Variants in TGFBR3 observed in about 807,000 individuals in gnomAD.
TGFBR3 encodes the protein transforming growth factor beta receptor 3, also known as transforming growth factor beta receptor type 3.
Under a neutral mutation model 87.9 loss-of-function variants are expected in TGFBR3, and 46 were observed. The observed-to-expected ratio is 0.52, with a 90% CI of 0.41 to 0.67. The LOEUF (loss-of-function observed/expected upper bound fraction) is 0.67. TGFBR3 is among the 30% of genes least tolerant of loss of function. The pLI is 0.00. For synonymous variants in TGFBR3, 381 were observed against 391.6 expected (o/e 0.97, Z 0.32); for missense variants, 866 against 1,041.9 (o/e 0.83, Z 2.32).
rs890557616 is a variant in TGFBR3, at chr1:91,772,219, TAGTA to T, written c.247-13473_247-13470del. Among the ~76,000 whole-genome samples the T allele has an allele frequency of 4.1e-4, 62 of 152,232 alleles. 1 individual carries two copies. Among genetic ancestry groups the T allele is most frequent in the African/African-American group, 1.5e-3 (62 of 41,460 alleles). On this transcript the variant is annotated intron_variant, in intron 3 of 16. Transcript: ENST00000212355. ...ATAATGAGTACATTAACTTCTGGCT[TAGTA>T]AGTGTCACTTAGTTAACCACATTAC...
chr1:91,813,492 A>C (rs1676098945), intron 2 of TGFBR3, among the ~76,000 whole-genome samples: 2 of 152,192 alleles, frequency 1.3e-5, no homozygotes, highest in African/African-American at 4.8e-5. Context: ...TGTACAGCCC[A>C]GATTAATTAC....
rs180850164 is a variant in TGFBR3 at position 91,853,913 on chromosome 1, G to A, written c.61+7558C>T. ...CTGTAGTCCCAGTCAGGAGGCCAAG[G>A]CAGGAGAATCACTCGAACCCGGGAG... On this transcript the variant is annotated intron_variant, in intron 2 of 16. Transcript: ENST00000212355. Among the ~76,000 whole-genome samples the A allele has an allele frequency of 6.8e-4, 103 of 152,234 alleles. No individual in the cohort carries two copies. In the South Asian group the frequency reaches 1.0e-2, roughly 15 times the overall value.
intron 2 of TGFBR3, among the ~76,000 whole-genome samples, chr1:91,897,241 G>A (rs938307090): frequency 2.0e-5 from 3 of 152,178 alleles, no homozygotes; most frequent in Non-Finnish European, 4.4e-5. Context: ...GCCTGCGGGG[G>A]TATCAGGCAG....
intron 4 of TGFBR3, among the ~76,000 whole-genome samples, chr1:91,738,142 G>A (rs1175826345): frequency 6.6e-6 from 1 of 152,170 alleles, no homozygotes; most frequent in Non-Finnish European, 1.5e-5. Flanking sequence ...CCTTCGAACT[G>A]GAACTGGGGC....
intron 2 of TGFBR3, among the ~76,000 whole-genome samples, chr1:91,858,999 G>A (rs569443521): frequency 5.0e-4 from 75 of 151,458 alleles, no homozygotes; most frequent in Non-Finnish European, 9.0e-4. Context: ...AGGTTGCAGT[G>A]AGCCGAGATG....
intron 1 of TGFBR3, among the ~76,000 whole-genome samples, chr1:91,862,286 G>A (rs547074033): frequency 1.2e-4 from 18 of 152,288 alleles, no homozygotes; most frequent in African/African-American, 4.3e-4. Context: ...CTTGATACAT[G>A]CAACCCTAGT....
intron 2 of TGFBR3, among the ~76,000 whole-genome samples, chr1:91,844,889 T>A (rs1297201887): frequency 6.6e-6 from 1 of 152,196 alleles, no homozygotes; most frequent in African/African-American, 2.4e-5. Context: ...TGTGTTTCTA[T>A]CAACTCAAAA....
upstream of TGFBR3, among the ~76,000 whole-genome samples, chr1:91,889,763 C>T (rs1679407698): frequency 1.3e-5 from 2 of 151,584 alleles, no homozygotes; most frequent in Admixed American, 1.3e-4. Flanking sequence ...CAACCCCCAC[C>T]CCCACCTCCC....
At chr1:91,829,629 A>T (rs1676779173) in intron 2 of TGFBR3, 1 of 152,240 alleles carries the variant, frequency 6.6e-6, no homozygotes, top group African/African-American at 2.4e-5. Context: ...TGGCTCACCA[A>T]TTCCCATGGA....
chr1:91,866,207 T>C (rs963351762), intron 1 of TGFBR3, among the ~76,000 whole-genome samples: 31 of 152,280 alleles, frequency 2.0e-4, no homozygotes, highest in South Asian at 1.7e-3. Context: ...GAAATCTTGC[T>C]CTATCTAAGA....
At chr1:91,790,849 C>T (rs2100990582) in intron 3 of TGFBR3, among the ~76,000 whole-genome samples, 1 of 152,278 alleles carries the variant, frequency 6.6e-6, no homozygotes, top group African/African-American at 2.4e-5. Context: ...TCTCCCAAAA[C>T]CCAGCCTTGA....
At chr1:91,814,718 G>C (rs1676154760) in intron 2 of TGFBR3, among the ~76,000 whole-genome samples, 1 of 151,804 alleles carries the variant, frequency 6.6e-6, no homozygotes, top group Admixed American at 6.6e-5. Context: ...ATAAAACTTA[G>C]GAATATTAAA....
chr1:91,783,684 G>A (rs1674854752), intron 3 of TGFBR3, among the ~76,000 whole-genome samples: 1 of 152,066 alleles, frequency 6.6e-6, no homozygotes, highest in Non-Finnish European at 1.5e-5. Context: ...AGCTGACTTA[G>A]AAAACAAGCT....
rs1266625168 is a variant in TGFBR3 at position 91,683,054 on chromosome 1, T to C, written c.*685A>G. ...CATTTTGCAGTGGTGTATGCAAGTATGGGAAGAAACAGGAAGCTGATAAGG... is the reference window on the plus strand; with the variant it reads ...CATTTTGCAGTGGTGTATGCAAGTACGGGAAGAAACAGGAAGCTGATAAGG... On this transcript the variant is annotated 3_prime_UTR_variant, in exon 17 of 17. Transcript: ENST00000212355. The C allele has an allele frequency of 2.2e-6, 1 of 454,412 alleles. No individual in the cohort carries two copies. Among genetic ancestry groups the C allele is most frequent in the African/African-American group, 2.0e-5 (1 of 49,986 alleles). The allele number at this position is 454,412 out of a possible 1,614,324, so 28.1% of individuals were successfully genotyped here.
chr1:91,772,622 A>G (rs1674422669), intron 3 of TGFBR3, among the ~76,000 whole-genome samples: 1 of 152,202 alleles, frequency 6.6e-6, no homozygotes, highest in Non-Finnish European at 1.5e-5. Flanking sequence ...TCCTGGTTAC[A>G]TTATTTTATG....
rs530992043 is a variant in TGFBR3 at position 91,789,988 on chromosome 1, C to G, written c.246+7299G>C. Among the ~76,000 whole-genome samples the G allele has an allele frequency of 5.2e-3, 794 of 152,212 alleles. 3 individuals carry two copies. The highest frequency in any genetic ancestry group is 0.01 in the Middle Eastern group (3 of 294). ...GGCCCTCCAATCCTATGTGGACAGA[C>G]AGATTCAGTTGCCTTTGTAGGTAAT... On this transcript the variant is annotated intron_variant, in intron 3 of 16. Transcript: ENST00000212355.
At chr1:91,850,101 A>AAG (rs1677668000) in intron 2 of TGFBR3, among the ~76,000 whole-genome samples, 3 of 138,488 alleles carry the variant, frequency 2.2e-5, no homozygotes, top group Non-Finnish European at 3.1e-5. Flanking sequence ...AAAAAAAAAA[A>AAG]AAAGAAAGAA....
At chr1:91,860,450 A>G (rs1472299984) in intron 2 of TGFBR3, among the ~76,000 whole-genome samples, 1 of 152,190 alleles carries the variant, frequency 6.6e-6, no homozygotes, top group Admixed American at 6.6e-5. Flanking sequence ...AGTTTTATGT[A>G]GCTCATTACA....
intron 2 of TGFBR3, among the ~76,000 whole-genome samples, chr1:91,892,108 T>A (rs1679463880): frequency 6.6e-6 from 1 of 152,202 alleles, no homozygotes; most frequent in African/African-American, 2.4e-5. Flanking sequence ...ACTCACCATT[T>A]CCTGTGACTG....
Sources: gnomAD v4.1 joint callset for allele counts (sites outside exome capture counted in the v4.1 genomes callset) on GRCh38, gnomAD v4.1.1 for gene constraint, MANE v1.5 for transcripts, NCBI Gene and HGNC (gene_info 2026-07-23, HGNC 2026-07-21) for gene names.